The following GGT1 variants were observed in gnomAD, a reference collection of about 807,000 sequenced individuals.
The protein encoded by GGT1 is gamma-glutamyltransferase 1, also known as glutathione hydrolase 1 proenzyme.
In GGT1, 21 loss-of-function variants were observed where a neutral mutation model predicts 56.0. The ratio of observed to expected loss-of-function variants is 0.38; its 90% CI spans 0.27 to 0.54. The LOEUF is 0.54. Among genes scored for constraint, GGT1 ranks in the 20% least tolerant of loss-of-function variants. The pLI is 0.82. For missense variants in GGT1, 466 were observed against 787.0 expected, an observed-to-expected ratio of 0.59 and a Z score of 4.88; for synonymous variants, 238 against 342.6, an observed-to-expected ratio of 0.69 and a Z score of 3.37.
intron 1 of GGT1, among the ~76,000 whole-genome samples, chr22:24,606,856 G>A (rs1212099105): frequency 6.6e-6 from 1 of 151,808 alleles, no homozygotes; most frequent in Non-Finnish European, 1.5e-5. Context: ...TAGACCTCAG[G>A]TGGAGGCTGC....
At chr22:24,625,742 C>T (rs899023880) in intron 11 of GGT1, among the ~76,000 whole-genome samples, 6 of 150,854 alleles carry the variant, frequency 4.0e-5, no homozygotes, top group African/African-American at 1.2e-4. Context: ...GGGGTTTCAC[C>T]GTGATCGCGA....
At chr22:24,584,789 C>T in the GGT1 span, among the ~76,000 whole-genome samples, 13 of 152,104 alleles carry the variant, frequency 8.5e-5, no homozygotes, top group African/African-American at 2.9e-4. Flanking sequence ...AGTATCCCCC[C>T]GGACATCTCT....
chr22:24,604,133 G>C (rs1210148243), intron 1 of GGT1, among the ~76,000 whole-genome samples: 3 of 145,982 alleles, frequency 2.1e-5, no homozygotes, highest in Non-Finnish European at 3.0e-5. Flanking sequence ...TGGGGAAGAC[G>C]CCAGAGATCT....
At chr22:24,614,344 G>A (rs2046900214) in intron 5 of GGT1, among the ~76,000 whole-genome samples, 1 of 69,692 alleles carries the variant, frequency 1.4e-5, no homozygotes, top group Non-Finnish European at 2.3e-5. Context: ...GAGAGACTTT[G>A]TCTCAAAAAA....
rs1483586528 is a variant in GGT1, at chr22:24,620,539, C to T, written c.575+19C>T. 2 of 1,611,194 alleles carry T rather than the reference C, an allele frequency of 1.2e-6. No individual in the cohort carries two copies. The highest frequency in any genetic ancestry group is 1.7e-5 in the Admixed American group (1 of 59,910). ...TCTTGTGGTATGTCTGTGGGTGCGG[C>T]CCCCTGACACAGGCAGGGCAGGCAC... On this transcript the variant is annotated intron_variant, in intron 8 of 15. Coordinates refer to ENST00000400382, the MANE Select transcript of GGT1 (RefSeq NM_001288833.2). This position sits in a 1 kb window ranked among gnomAD's most constrained non-coding sequence, Gnocchi z 5.6.
intron 9 of GGT1, among the ~76,000 whole-genome samples, chr22:24,622,868 G>A (rs1487468035): frequency 6.6e-6 from 1 of 152,220 alleles, no homozygotes; most frequent in Non-Finnish European, 1.5e-5. Flanking sequence ...AGCAGTGTCA[G>A]GGAGACAGGA....
chr22:24,611,700 G>A (rs1375683006), intron 5 of GGT1, among the ~76,000 whole-genome samples: 1 of 151,986 alleles, frequency 6.6e-6, no homozygotes, highest in East Asian at 1.9e-4. Context: ...CGCCTCCCAA[G>A]TTCAAGTGAT....
intron 11 of GGT1, 28 bp downstream of exon 11, chr22:24,623,944 G>T: frequency 6.2e-7 from 1 of 1,606,748 alleles, no homozygotes; most frequent in East Asian, 2.2e-5. Flanking sequence ...GCCCACTGTG[G>T]GTGTGGGGCC....
chr22:24,625,378 A>G (rs951587362), intron 11 of GGT1, among the ~76,000 whole-genome samples: 8 of 152,026 alleles, frequency 5.3e-5, no homozygotes, highest in African/African-American at 1.7e-4. Context: ...GGCTCAAGCA[A>G]TCCTCCCACT....
chr22:24,621,294 G>A (rs2047395608), intron 9 of GGT1, among the ~76,000 whole-genome samples: 1 of 152,038 alleles, frequency 6.6e-6, no homozygotes, highest in African/African-American at 2.4e-5. Context: ...AAATGCAGGT[G>A]TAGGCAAGAG....
upstream of GGT1, chr22:24,592,978 G>T: frequency 8.6e-7 from 1 of 1,167,242 alleles, no homozygotes; most frequent in Non-Finnish European, 1.1e-6. Context: ...CCCGCAGCCG[G>T]CCGCCGCCCC....
At chr22:24,614,684 C>T in intron 5 of GGT1, 92 bp from the exon 6 acceptor site, 1 of 1,098,584 alleles carries the variant, frequency 9.1e-7, no homozygotes, top group Admixed American at 2.3e-5. Flanking sequence ...ACTTCTCTTC[C>T]ATCCTCCTTT....
chr22:24,622,922 G>A (rs1406926213), intron 9 of GGT1, among the ~76,000 whole-genome samples, 185 bp from the exon 10 acceptor site: 1 of 152,038 alleles, frequency 6.6e-6, no homozygotes, highest in Admixed American at 6.5e-5. Flanking sequence ...GGTTGCCTGT[G>A]GCCCCCTCCC....
intron 11 of GGT1, 113 bp downstream of exon 11, chr22:24,624,029 C>G: frequency 6.5e-7 from 1 of 1,541,790 alleles, no homozygotes; most frequent in Non-Finnish European, 8.8e-7. Flanking sequence ...ATTCCTGCCA[C>G]AGACTTCGAT....
intron 11 of GGT1, among the ~76,000 whole-genome samples, chr22:24,625,573 G>A (rs186535538): frequency 2.0e-5 from 3 of 150,560 alleles, no homozygotes; most frequent in Admixed American, 1.3e-4. Context: ...ACAGAGTCTC[G>A]CTCTGTTGCC....
Position 24,624,728 on chromosome 22 carries a change from CTTT to C in GGT1, c.1020+813_1020+815del, listed in dbSNP as rs1359460702. On this transcript the variant is annotated intron_variant, in intron 11 of 15. Transcript: ENST00000400382. ...CCTTTCTGCCTCTGATGATTTACTTCTTTATCACGGCTTATTCCCGAAAGAAAG... is the reference window on the plus strand; with the variant it reads ...CCTTTCTGCCTCTGATGATTTACTTCATCACGGCTTATTCCCGAAAGAAAG... 7.3e-6 allele frequency: 7 copies of C among 964,892 alleles called. No homozygotes were observed. In the African/African-American group the frequency reaches 1.2e-4, roughly 17 times the overall value. The allele number at this position is 964,892 out of a possible 1,614,324, so 59.8% of individuals were successfully genotyped here.
At chr22:24,626,588 T>C (rs1354207896) in intron 11 of GGT1, among the ~76,000 whole-genome samples, 1 of 151,922 alleles carries the variant, frequency 6.6e-6, no homozygotes, top group East Asian at 1.9e-4. Flanking sequence ...AACCTGCCCC[T>C]TCTGCAGGGT....
chr22:24,614,421 G>A (rs5760500), intron 5 of GGT1, among the ~76,000 whole-genome samples: 68,115 of 143,282 alleles, frequency 0.48, 19,262 homozygotes, highest in African/African-American at 0.81. Flanking sequence ...ATAGAGACCA[G>A]CCTGGCCAAC....
chr22:24,585,764 C>G, the GGT1 span: 1 of 1,079,014 alleles, frequency 9.3e-7, no homozygotes, highest in Admixed American at 2.8e-5. Context: ...TCCCCTTAAT[C>G]TCAGGCTGAG....
Sources: gnomAD v4.1 joint callset for allele counts (sites outside exome capture counted in the v4.1 genomes callset) on GRCh38, gnomAD v4.1.1 for gene constraint, Gnocchi (gnomAD v3.1) non-coding constraint, MANE v1.5 for transcripts, NCBI Gene and HGNC (gene_info 2026-07-23, HGNC 2026-07-21) for gene names.